CCNB1: variants seen among roughly 807,000 people sequenced by gnomAD.
The protein encoded by CCNB1 is cyclin B1.
Under a neutral mutation model 44.4 loss-of-function variants are expected in CCNB1, and 26 were observed. That is an observed-to-expected ratio of 0.59 (90% CI 0.43 to 0.81). The LOEUF is 0.81. Among genes scored for constraint, CCNB1 ranks in the 40% least tolerant of loss-of-function variants. The pLI, the probability that CCNB1 is intolerant of heterozygous loss-of-function variation, is 0.00. For missense variants in CCNB1, 477 were observed against 520.9 expected (o/e 0.92, Z 0.82); for synonymous variants, 195 against 181.4 (o/e 1.08, Z -0.60).
intron 3 of CCNB1, among the ~76,000 whole-genome samples, chr5:69,169,389 T>C (rs543433961): frequency 1.3e-5 from 2 of 152,294 alleles, no homozygotes; most frequent in African/African-American, 2.4e-5. Context: ...GATAAGAGAT[T>C]GAAAGCTATT....
At chr5:69,172,381 C>T (rs1001461992) in intron 4 of CCNB1, among the ~76,000 whole-genome samples, 7 of 152,028 alleles carry the variant, frequency 4.6e-5, no homozygotes, top group East Asian at 1.9e-4. Flanking sequence ...CTCAGCATCC[C>T]GAGCAGCTGG....
chr5:69,173,834 A>G (rs936571330), intron 4 of CCNB1, among the ~76,000 whole-genome samples: 1 of 151,906 alleles, frequency 6.6e-6, no homozygotes, highest in Admixed American at 6.6e-5. Flanking sequence ...CAGTGGTGCA[A>G]TCTCGGCTCC....
At chr5:69,172,074 G>T (rs547158834) in intron 4 of CCNB1, among the ~76,000 whole-genome samples, 28 of 152,142 alleles carry the variant, frequency 1.8e-4, no homozygotes, top group Admixed American at 1.4e-3. Context: ...TAGTTTTTTT[G>T]TTGTTGTTGT....
Position 69,171,328 on chromosome 5 carries a change from A to G in CCNB1, c.422A>G (p.Asp141Gly). 1 of 1,613,966 alleles carries G rather than the reference A, an allele frequency of 6.2e-7. No homozygotes were observed. The highest frequency in any genetic ancestry group is 1.1e-5 in the South Asian group (1 of 91,064). Reference sequence around the variant, plus strand: ...TCTGGATGTGCCCCTGCAGAAGAAGACCTGTGTCAGGCTTTCTCTGATGTA... The same window carrying G: ...TCTGGATGTGCCCCTGCAGAAGAAGGCCTGTGTCAGGCTTTCTCTGATGTA... ...ETSGCAPAEE[D>G]LCQAFSDVIL... The change falls in exon 4 of 9, where the codon GAC becomes GGC. Residue 141 changes from aspartate to glycine, a missense_variant. Coordinates refer to ENST00000256442, the MANE Select transcript of CCNB1 (RefSeq NM_031966.4).
chr5:69,174,545 C>G (rs1253313772), intron 5 of CCNB1, 136 bp downstream of exon 5: 2 of 802,906 alleles, frequency 2.5e-6, no homozygotes, highest in South Asian at 1.7e-5. Flanking sequence ...GTTAGGAGAT[C>G]GAGACCATCC....
At chr5:69,175,332 G>A in intron 6 of CCNB1, 65 bp from the exon 7 acceptor site, 1 of 1,465,616 alleles carries the variant, frequency 6.8e-7, no homozygotes, top group Non-Finnish European at 9.4e-7. Context: ...ATACATATGG[G>A]CATGCAGGTT....
At chr5:69,170,366 T>C (rs1747433158) in intron 3 of CCNB1, among the ~76,000 whole-genome samples, 1 of 152,150 alleles carries the variant, frequency 6.6e-6, no homozygotes, top group Non-Finnish European at 1.5e-5. Flanking sequence ...TTCAAGAAGG[T>C]GCTCAATAAA....
At chr5:69,172,437 A>G (rs1317365246) in intron 4 of CCNB1, among the ~76,000 whole-genome samples, 1 of 151,956 alleles carries the variant, frequency 6.6e-6, no homozygotes, top group South Asian at 2.1e-4. Context: ...TTGTACTTTT[A>G]GTAGAGATGA....
intron 8 of CCNB1, 43 bp from the exon 9 acceptor site, chr5:69,177,481 T>G (rs758902112): frequency 1.4e-6 from 2 of 1,405,114 alleles, no homozygotes; most frequent in Admixed American, 1.8e-5. Flanking sequence ...TCTTGTGATT[T>G]TTTTTCTTTT....
intron 5 of CCNB1, 48 bp downstream of exon 5, chr5:69,174,457 AT>A (rs1456379984): frequency 3.2e-6 from 5 of 1,579,968 alleles, no homozygotes; most frequent in African/African-American, 1.3e-5. Flanking sequence ...TAGCCGAGTC[AT>A]AAGAAACTGA....
chr5:69,176,710 G>A (rs1747602855), intron 7 of CCNB1, among the ~76,000 whole-genome samples: 2 of 151,752 alleles, frequency 1.3e-5, no homozygotes, highest in Non-Finnish European at 2.9e-5. Flanking sequence ...GCTGGGTGCA[G>A]TGGCTTACAT....
chr5:69,167,653 C>G (rs1032163851), intron 1 of CCNB1, among the ~76,000 whole-genome samples: 8 of 152,072 alleles, frequency 5.3e-5, no homozygotes, highest in African/African-American at 1.7e-4. Flanking sequence ...TTTCGGTTTC[C>G]TTTCAAATGT....
chr5:69,174,763 A>T (rs1010629769), intron 5 of CCNB1, 114 bp from the exon 6 acceptor site: 13 of 751,940 alleles, frequency 1.7e-5, no homozygotes, highest in African/African-American at 2.8e-5. Context: ...TTCTTGGGGG[A>T]TATGGTGTCA....
At chr5:69,171,082 C>T (rs1336701276) in intron 3 of CCNB1, among the ~76,000 whole-genome samples, 188 bp from the exon 4 acceptor site, 1 of 152,088 alleles carries the variant, frequency 6.6e-6, no homozygotes, top group Non-Finnish European at 1.5e-5. Flanking sequence ...CAAATGATCA[C>T]TTTTGATGTT....
In CCNB1 at chr5:69,177,667, T is replaced by C. The variant is rs776201738; in HGVS notation, c.*36T>C. 1.5e-6 allele frequency: 2 copies of C among 1,298,458 alleles called. No individual in the cohort carries two copies. Among genetic ancestry groups the C allele is most frequent in the African/African-American group, 2.9e-5 (2 of 68,186 alleles). The allele number at this position is 1,298,458 out of a possible 1,614,324, so 80.4% of individuals were successfully genotyped here. On this transcript the variant is annotated 3_prime_UTR_variant, in exon 9 of 9. Transcript: ENST00000256442. Reference sequence around the variant, plus strand: ...TGAGTTGGAGTACTATATTTACAAATAAAATTGGCACCATGTGCCATCTGT... The same window carrying C: ...TGAGTTGGAGTACTATATTTACAAACAAAATTGGCACCATGTGCCATCTGT...
intron 3 of CCNB1, among the ~76,000 whole-genome samples, chr5:69,170,909 T>G (rs865802303): frequency 6.6e-6 from 1 of 152,166 alleles, no homozygotes; most frequent in African/African-American, 2.4e-5. Context: ...TGAGCTGTTA[T>G]GCCCAACCTC....
At chr5:69,172,101 G>A (rs571751278) in intron 4 of CCNB1, among the ~76,000 whole-genome samples, 90 of 152,036 alleles carry the variant, frequency 5.9e-4, no homozygotes, top group Non-Finnish European at 9.4e-4. Flanking sequence ...TTTTTGAGAT[G>A]GAGTCTCACA....
chr5:69,175,602 T>G (rs1247914725), intron 7 of CCNB1, 65 bp downstream of exon 7: 3 of 1,505,628 alleles, frequency 2.0e-6, no homozygotes, highest in Non-Finnish European at 2.7e-6. Flanking sequence ...TACAGAACTT[T>G]TGTTATTAAA....
chr5:69,172,769 C>CTTTTTT (rs922322066), intron 4 of CCNB1, among the ~76,000 whole-genome samples: 51 of 96,692 alleles, frequency 5.3e-4, no homozygotes, highest in East Asian at 1.1e-3. Flanking sequence ...TGTGCTGTTT[C>CTTTTTT]TTTTTTTTTT....
Sources: allele counts gnomAD v4.1 joint callset (sites outside exome capture counted in the v4.1 genomes callset), GRCh38; gene constraint gnomAD v4.1.1; transcripts MANE v1.5; gene names NCBI Gene and HGNC (gene_info 2026-07-23, HGNC 2026-07-21).